SDR42E2: variants seen among roughly 807,000 people sequenced by gnomAD.
SDR42E2 encodes putative short-chain dehydrogenase/reductase family 42E member 2.
In SDR42E2, 20 loss-of-function variants were observed where a neutral mutation model predicts 10.5. The ratio of observed to expected loss-of-function variants is 1.90; its 90% CI spans 1.34 to 2.77. SDR42E2 has a LOEUF of 2.77. SDR42E2 is among the 30% of genes most tolerant of loss of function. SDR42E2 has a pLI of 0.00. For missense variants in SDR42E2, 162 were observed against 104.2 expected, an observed-to-expected ratio of 1.55 and a Z score of -2.42; for synonymous variants, 72 against 39.2, an observed-to-expected ratio of 1.84 and a Z score of -3.12.
chr16:22,164,645 G>A (rs374915125), intron 1 of SDR42E2, among the ~76,000 whole-genome samples: 4 of 152,198 alleles, frequency 2.6e-5, no homozygotes, highest in East Asian at 1.9e-4. Flanking sequence ...TGGGCAGAAC[G>A]TGTGGTACCA....
chr16:22,181,928 C>T (rs912937572), intron 9 of SDR42E2, among the ~76,000 whole-genome samples: 2 of 152,148 alleles, frequency 1.3e-5, no homozygotes, highest in African/African-American at 4.8e-5. Flanking sequence ...CACATATTGT[C>T]GCATTTAATC....
intron 9 of SDR42E2, 24 bp from the exon 10 acceptor site, chr16:22,182,187 GT>G (rs1217713181): frequency 2.5e-6 from 1 of 405,788 alleles, no homozygotes; most frequent in East Asian, 3.6e-5. Context: ...AAGGCTGACC[GT>G]CCCCTCCCAC....
chr16:22,180,474 G>T (rs2046683398), intron 8 of SDR42E2, among the ~76,000 whole-genome samples: 1 of 152,108 alleles, frequency 6.6e-6, no homozygotes, highest in Non-Finnish European at 1.5e-5. Flanking sequence ...GCCGAGGAGG[G>T]AAGATTGGTT....
At chr16:22,186,900 G>A (rs1275497261) in intron 12 of SDR42E2, 106 bp downstream of exon 12, 1 of 307,782 alleles carries the variant, frequency 3.2e-6, no homozygotes, top group Non-Finnish European at 5.4e-6. Context: ...TTGACACCAT[G>A]ATGACACATG....
chr16:22,189,766 T>G lies in SDR42E2; in HGVS notation c.1015-373T>G, dbSNP rs573147819. Among the ~76,000 whole-genome samples the G allele has an allele frequency of 4.0e-4, 61 of 152,240 alleles. 2 individuals carry two copies. Among genetic ancestry groups the G allele is most frequent in the African/African-American group, 1.4e-3 (59 of 41,560 alleles). On this transcript the variant is annotated intron_variant, in intron 12 of 12. Transcript: ENST00000602312. ...AGATGTTTCTGGCAGGCGTTCACCT[T>G]CTCCTAGCGGATGCCTAAGAATGTA...
rs115164846 is a variant in SDR42E2 at position 22,166,657 on chromosome 16, G to C, written c.240+223G>C. On this transcript the variant is annotated intron_variant, in intron 3 of 12. Coordinates refer to ENST00000602312, the MANE Select transcript of SDR42E2 (RefSeq NM_001394319.2). Reference sequence around the variant, plus strand: ...ACAGGGTCTCATTGGGAGTTGATGAGACAGTGCACATAAACCTAGCACAGC... The same window carrying C: ...ACAGGGTCTCATTGGGAGTTGATGACACAGTGCACATAAACCTAGCACAGC... Among the ~76,000 whole-genome samples the C allele has an allele frequency of 2.9e-3, 445 of 152,210 alleles. 4 individuals carry two copies. The highest frequency in any genetic ancestry group is 9.7e-3 in the African/African-American group (402 of 41,544).
chr16:22,165,938 C>G (rs568676511), intron 2 of SDR42E2, among the ~76,000 whole-genome samples: 1 of 152,210 alleles, frequency 6.6e-6, no homozygotes, highest in South Asian at 2.1e-4. Context: ...GGGTCCGTAC[C>G]TGGGCCAGGA....
At chr16:22,171,671 T>C (rs1251693389) in intron 6 of SDR42E2, among the ~76,000 whole-genome samples, 1 of 152,192 alleles carries the variant, frequency 6.6e-6, no homozygotes, top group Non-Finnish European at 1.5e-5. Flanking sequence ...TAGCTGGGAC[T>C]ACAGTCGTGC....
rs7196190 is a variant in SDR42E2 at position 22,166,278 on chromosome 16, T to C, written c.84T>C (p.Pro28=). 0.015 allele frequency: 6,115 copies of C among 402,272 alleles called. 306 individuals carry two copies. Among genetic ancestry groups the C allele is most frequent in the African/African-American group, 0.11 (5,330 of 48,694 alleles). The allele number at this position is 402,272 out of a possible 1,614,324, so 24.9% of individuals were successfully genotyped here. The change falls in exon 3 of 13, where the codon CCT becomes CCC. Residue 28 remains proline (P), a synonymous_variant. Coordinates refer to ENST00000602312, the MANE Select transcript of SDR42E2 (RefSeq NM_001394319.2). ...CGCAGCAGAAGACTCAAGCCAAACC[T>C]ACAAAGGCTGCCAGGCAGAAGGTTC... is the stretch of plus-strand genomic sequence containing the variant. The part of the protein sequence containing the change: ...QAPQQKTQAK[P]TKAARQKVLV...
chr16:22,189,958 G>A (rs2046759936), intron 12 of SDR42E2, among the ~76,000 whole-genome samples, 181 bp from the exon 13 acceptor site: 1 of 152,210 alleles, frequency 6.6e-6, no homozygotes, highest in Non-Finnish European at 1.5e-5. Flanking sequence ...ATGTAAGGAA[G>A]AAAGGAAGAC....
chr16:22,187,244 A>C (rs2046742621), intron 12 of SDR42E2, among the ~76,000 whole-genome samples: 1 of 152,120 alleles, frequency 6.6e-6, no homozygotes, highest in Admixed American at 6.6e-5. Context: ...TTAAGTACCT[A>C]CTACATACAG....
intron 7 of SDR42E2, among the ~76,000 whole-genome samples, chr16:22,174,828 A>C (rs544483967): frequency 1.3e-5 from 2 of 152,140 alleles, no homozygotes; most frequent in South Asian, 2.1e-4. Flanking sequence ...CCGCCTGCCA[A>C]CGTCAGCTGC....
At chr16:22,165,499 A>G (rs1051353706) in intron 1 of SDR42E2, 48 bp from the exon 2 acceptor site, 16 of 400,284 alleles carry the variant, frequency 4.0e-5, no homozygotes, top group Non-Finnish European at 7.1e-5. Context: ...AATTTATGTG[A>G]CTTGAAACGA....
At chr16:22,184,273 C>T (rs1354475644) in intron 11 of SDR42E2, 29 bp downstream of exon 11, 1 of 401,016 alleles carries the variant, frequency 2.5e-6, no homozygotes, top group Non-Finnish European at 4.4e-6. Flanking sequence ...GTAGTAAAGC[C>T]CTCCATGTGC....
At chr16:22,179,410 G>A (rs1307777485) in intron 8 of SDR42E2, among the ~76,000 whole-genome samples, 1 of 152,198 alleles carries the variant, frequency 6.6e-6, no homozygotes, top group African/African-American at 2.4e-5. Flanking sequence ...TATGTGCCCC[G>A]CACTGTTCTA....
intron 4 of SDR42E2, among the ~76,000 whole-genome samples, 182 bp downstream of exon 4, chr16:22,167,181 T>C (rs1469837679): frequency 9.0e-6 from 1 of 110,730 alleles, no homozygotes; most frequent in Admixed American, 8.8e-5. Context: ...TTTTTTTTTT[T>C]TTTTTTTTTT....
intron 12 of SDR42E2, among the ~76,000 whole-genome samples, chr16:22,187,953 G>A (rs2046746881): frequency 6.6e-6 from 1 of 151,934 alleles, no homozygotes; most frequent in Non-Finnish European, 1.5e-5. Context: ...AAAATTAGCT[G>A]GGTGTGGTGG....
intron 4 of SDR42E2, among the ~76,000 whole-genome samples, 184 bp downstream of exon 4, chr16:22,167,183 T>G (rs1272465808): frequency 2.7e-5 from 3 of 112,762 alleles, no homozygotes; most frequent in East Asian, 2.3e-4. Flanking sequence ...TTTTTTTTTT[T>G]TTTTTTTTTT....
chr16:22,166,814 G>A lies in SDR42E2; in HGVS notation c.241-90G>A, dbSNP rs947559438. On this transcript the variant is annotated intron_variant, in intron 3 of 12. Transcript: ENST00000602312. ...GGCTTGGCCTGGGCTGGGTCAGGGG[G>A]CCAGTTCTGAGACCAGGCAAGGTGC... 3.0e-5 allele frequency: 14 copies of A among 466,776 alleles called. No homozygotes were observed. The East Asian group carries it at 4.4e-4, about 15-fold the overall frequency. The allele number at this position is 466,776 out of a possible 1,614,324, so 28.9% of individuals were successfully genotyped here. A position where few individuals can be genotyped will look rare whatever the true frequency, so the allele number is the denominator to read the frequency against.
Sources: gnomAD v4.1 joint callset for allele counts (sites outside exome capture counted in the v4.1 genomes callset) on GRCh38, gnomAD v4.1.1 for gene constraint, MANE v1.5 for transcripts, NCBI Gene and HGNC (gene_info 2026-07-23, HGNC 2026-07-21) for gene names.